The following PPM1K variants were observed in gnomAD, a reference collection of about 807,000 sequenced individuals.
PPM1K encodes the protein protein phosphatase Mn(2+)-dependent 1K.
PPM1K carries 19 observed loss-of-function variants against 32.6 expected under a neutral mutation model. The observed-to-expected ratio is 0.58, with a 90% CI of 0.41 to 0.86. PPM1K has a LOEUF of 0.86. PPM1K is among the 40% of genes least tolerant of loss of function. The pLI is 0.00. For missense variants in PPM1K, 362 were observed against 461.2 expected, an observed-to-expected ratio of 0.78 and a Z score of 1.97; for synonymous variants, 159 against 165.3, an observed-to-expected ratio of 0.96 and a Z score of 0.29.
chr4:88,280,323 A>T (rs1731958805), intron 1 of PPM1K, among the ~76,000 whole-genome samples: 1 of 152,236 alleles, frequency 6.6e-6, no homozygotes, highest in Non-Finnish European at 1.5e-5. Flanking sequence ...CACCAAAACA[A>T]GTAATGTATC....
intron 3 of PPM1K, chr4:88,275,612 C>G: frequency 1.0e-6 from 1 of 985,346 alleles, no homozygotes; most frequent in Non-Finnish European, 1.2e-6. Context: ...CATTCTCATC[C>G]AAAAACCTTG....
chr4:88,266,517 T>C (rs1560485231), intron 5 of PPM1K, among the ~76,000 whole-genome samples: 1 of 143,012 alleles, frequency 7.0e-6, no homozygotes, highest in Admixed American at 7.0e-5. Flanking sequence ...GTGCAGGTGA[T>C]GCTGATTGGG....
chr4:88,274,531 A>C (rs1410671876), intron 3 of PPM1K, among the ~76,000 whole-genome samples: 1 of 152,188 alleles, frequency 6.6e-6, no homozygotes, highest in Non-Finnish European at 1.5e-5. Flanking sequence ...AGGGGTTAAT[A>C]CTAAAAGAGA....
chr4:88,277,088 C>T, intron 3 of PPM1K, 55 bp downstream of exon 3: 1 of 1,344,978 alleles, frequency 7.4e-7, no homozygotes, highest in South Asian at 1.2e-5. Context: ...CCTTTTTACT[C>T]CTCCCCCACC....
rs116656960 is a variant in PPM1K, at chr4:88,271,919, C to T, written c.542-3013G>A. Reference sequence around the variant, plus strand: ...AATTCATTGCTTAAATAAAGGCTAGCGAGACGCATGTTTATAATTTTGTAT... The same window carrying T: ...AATTCATTGCTTAAATAAAGGCTAGTGAGACGCATGTTTATAATTTTGTAT... On this transcript the variant is annotated intron_variant, in intron 3 of 6. Coordinates refer to ENST00000608933, the MANE Select transcript of PPM1K (RefSeq NM_152542.5). Among the ~76,000 whole-genome samples the T allele has an allele frequency of 1.8e-3, 272 of 152,158 alleles. 2 individuals are homozygous for T. Among genetic ancestry groups the T allele is most frequent in the African/African-American group, 6.3e-3 (261 of 41,508 alleles).
chr4:88,281,369 C>T lies in PPM1K; in HGVS notation c.-59-2727G>A, dbSNP rs144849881. Among the ~76,000 whole-genome samples, 289 of 152,210 alleles carry T rather than the reference C, an allele frequency of 1.9e-3. 2 individuals carry two copies. The highest frequency in any genetic ancestry group is 6.6e-3 in the African/African-American group (275 of 41,520). On this transcript the variant is annotated intron_variant, in intron 1 of 6. Coordinates refer to ENST00000608933, the MANE Select transcript of PPM1K (RefSeq NM_152542.5). Reference sequence around the variant, plus strand: ...GTTTTATCTCCTCTTTATCCTCCCCCCAATTTTTTTTTAAATAATAAAATA... The same window carrying T: ...GTTTTATCTCCTCTTTATCCTCCCCTCAATTTTTTTTTAAATAATAAAATA...
At chr4:88,276,715 TGACTGTCC>T (rs201052027) in intron 3 of PPM1K, 60,105 of 985,806 alleles carry the variant, frequency 0.061, 2,607 homozygotes, top group African/African-American at 0.22. Context: ...TGTTGGACAA[TGACTGTCC>T]TCGCTAGATG....
rs1578307217 is a variant in PPM1K, at chr4:88,259,367, A to G, written c.*3228T>C. The G allele has an allele frequency of 6.6e-6, 1 of 152,350 alleles. No homozygotes were observed. Among genetic ancestry groups the G allele is most frequent in the East Asian group, 1.9e-4 (1 of 5,186 alleles). The allele number at this position is 152,350 out of a possible 1,614,324, so 9.4% of individuals were successfully genotyped here. A position where few individuals can be genotyped will look rare whatever the true frequency, so the allele number is the denominator to read the frequency against. ...ATCTATAAAGTACTTAAGAACTTAT[A>G]CTTGTGGAAAATCACAATGACAATG... On this transcript the variant is annotated 3_prime_UTR_variant, in exon 7 of 7. Coordinates refer to ENST00000608933, the MANE Select transcript of PPM1K (RefSeq NM_152542.5).
At chr4:88,277,967 G>A in intron 2 of PPM1K, 177 bp downstream of exon 2, 1 of 620,434 alleles carries the variant, frequency 1.6e-6, no homozygotes. Flanking sequence ...ATGCATTTCT[G>A]AAATTGTGAT....
In PPM1K at chr4:88,259,132, G is replaced by T. The variant is rs1323373849; in HGVS notation, c.*3463C>A. 6.6e-6 allele frequency: 1 copy of T among 151,244 alleles called. No homozygotes were observed. The highest frequency in any genetic ancestry group is 2.4e-5 in the African/African-American group (1 of 41,120). 9.4% of individuals were successfully genotyped at this position (151,244 alleles called of 1,614,324 possible). A position where few individuals can be genotyped will look rare whatever the true frequency, so the allele number is the denominator to read the frequency against. On this transcript the variant is annotated 3_prime_UTR_variant, in exon 7 of 7. Transcript: ENST00000608933. Reference sequence around the variant, plus strand: ...AATACAAAAATTAGCCAGGGGTGGTGGCACGCGCCTGTAGTCCCAGCTACT... The same window carrying T: ...AATACAAAAATTAGCCAGGGGTGGTTGCACGCGCCTGTAGTCCCAGCTACT...
chr4:88,278,538 G>A lies in PPM1K; in HGVS notation c.46C>T (p.Gln16Ter), dbSNP rs1560493552. 6.2e-7 allele frequency: 1 copy of A among 1,613,868 alleles called. No individual in the cohort carries two copies. The highest frequency in any genetic ancestry group is 1.1e-5 in the South Asian group (1 of 91,030). The change falls in exon 2 of 7, where the codon CAG becomes TAG. Residue 16 changes from glutamine to a stop codon, truncating the protein, a stop_gained. Coordinates refer to ENST00000608933, the MANE Select transcript of PPM1K (RefSeq NM_152542.5). LOFTEE classifies it high-confidence loss of function. The surrounding 1 kb of genome is among the most constrained non-coding windows in gnomAD (Gnocchi z 4.2). ...LITLVRSGGN[Q>*]VRRRVLLSSR... The stretch of plus-strand genomic sequence containing the variant: ...CTTAGCAGCACTCTCCTTCTCACCT[G>A]GTTCCCACCACTTCTGACCAAAGTA...
chr4:88,262,748 AAG>A, intron 6 of PPM1K, 22 bp from the exon 7 acceptor site: 3 of 1,586,768 alleles, frequency 1.9e-6, no homozygotes, highest in South Asian at 2.3e-5. Flanking sequence ...GGCAGGAAGA[AAG>A]AGAAAAACAT....
intron 3 of PPM1K, among the ~76,000 whole-genome samples, chr4:88,269,655 AAC>A (rs1308457021): frequency 1.3e-5 from 2 of 152,212 alleles, no homozygotes; most frequent in African/African-American, 4.8e-5. Flanking sequence ...TGGTGTAGTT[AAC>A]ACTCCTAACT....
At chr4:88,281,264 C>G (rs1184199196) in intron 1 of PPM1K, among the ~76,000 whole-genome samples, 2 of 152,202 alleles carry the variant, frequency 1.3e-5, no homozygotes, top group African/African-American at 2.4e-5. Context: ...CAGTCATGCA[C>G]CTACTTTAAA....
chr4:88,277,064 G>A, intron 3 of PPM1K, 79 bp downstream of exon 3: 1 of 1,083,400 alleles, frequency 9.2e-7, no homozygotes, highest in Non-Finnish European at 1.4e-6. Context: ...TCCCCCAAAG[G>A]ACTTAAAGTG....
In PPM1K at chr4:88,278,281, A is replaced by C. The variant is rs762670930; in HGVS notation, c.303T>G (p.Ile101Met). 6.2e-7 allele frequency: 1 copy of C among 1,614,172 alleles called. No individual in the cohort carries two copies. The highest frequency in any genetic ancestry group is 2.2e-5 in the East Asian group (1 of 44,880). ...GATCTTCATTCTCTTTCCGTTTGCC[A>C]ATCTGTGAGGCGCACCCCACATTTT... ...SLENVGCASQIGKRKENEDRF... is the reference protein window; with the variant it reads ...SLENVGCASQMGKRKENEDRF... Residue 101 changes from isoleucine to methionine, a missense_variant, in exon 2 of 7, where the codon ATT (isoleucine) becomes ATG (methionine). Coordinates refer to ENST00000608933, the MANE Select transcript of PPM1K (RefSeq NM_152542.5). The surrounding 1 kb of genome is among the most constrained non-coding windows in gnomAD (Gnocchi z 4.2).
At chr4:88,263,082 A>C (rs1338106225) in intron 6 of PPM1K, among the ~76,000 whole-genome samples, 3 of 152,242 alleles carry the variant, frequency 2.0e-5, no homozygotes, top group Non-Finnish European at 4.4e-5. Context: ...ACACACGGTG[A>C]GGACTTGATA....
At chr4:88,270,493 A>G (rs1232021401) in intron 3 of PPM1K, among the ~76,000 whole-genome samples, 1 of 152,228 alleles carries the variant, frequency 6.6e-6, no homozygotes, top group African/African-American at 2.4e-5. Context: ...TTAACTCGTA[A>G]CTTTAAATTA....
At chr4:88,276,624 A>G (rs1731774879) in intron 3 of PPM1K, 1 of 984,708 alleles carries the variant, frequency 1.0e-6, no homozygotes, top group African/African-American at 1.7e-5. Flanking sequence ...TGACAGAAAA[A>G]TATTTTCCTT....
Sources: allele counts gnomAD v4.1 joint callset (sites outside exome capture counted in the v4.1 genomes callset), GRCh38; gene constraint gnomAD v4.1.1; non-coding constraint Gnocchi (gnomAD v3.1); transcripts MANE v1.5; gene names NCBI Gene and HGNC (gene_info 2026-07-23, HGNC 2026-07-21).